The following TBC1D22A variants were observed in gnomAD, a reference collection of about 807,000 sequenced individuals.
TBC1D22A encodes putative GTPase activator.
TBC1D22A carries 38 observed loss-of-function variants against 60.2 expected under a neutral mutation model. The observed-to-expected ratio is 0.63, with a 90% CI of 0.49 to 0.83. The LOEUF (loss-of-function observed/expected upper bound fraction) is 0.83, where lower values mean the gene tolerates loss of function less well. Ranked by LOEUF, TBC1D22A falls within the 40% of genes least tolerant of loss-of-function variation. The probability of loss-of-function intolerance (pLI) is 0.00; values close to 1 mark genes in which losing one functional copy is unlikely to be tolerated. For missense variants in TBC1D22A, 628 were observed against 701.0 expected (o/e 0.90, Z 1.18); for synonymous variants, 302 against 281.7 (o/e 1.07, Z -0.72).
chr22:46,943,996 AG>A (rs1403482585), intron 8 of TBC1D22A, among the ~76,000 whole-genome samples: 1 of 152,218 alleles, frequency 6.6e-6, no homozygotes, highest in Non-Finnish European at 1.5e-5. Flanking sequence ...TATTATGAAC[AG>A]TGCTGCTGTA....
At chr22:47,095,059 C>T (rs1170519391) in intron 11 of TBC1D22A, among the ~76,000 whole-genome samples, 1 of 152,226 alleles carries the variant, frequency 6.6e-6, no homozygotes, top group East Asian at 1.9e-4. Context: ...ATGTGATGTA[C>T]AGCTCTTACT....
At chr22:47,023,395 G>A (rs1440130360) in intron 10 of TBC1D22A, among the ~76,000 whole-genome samples, 1 of 152,182 alleles carries the variant, frequency 6.6e-6, no homozygotes, top group South Asian at 2.1e-4. Context: ...CCTGTAATCT[G>A]TGGTCCCCTA....
chr22:47,100,948 G>A (rs938821783), intron 11 of TBC1D22A, among the ~76,000 whole-genome samples: 2 of 152,266 alleles, frequency 1.3e-5, no homozygotes, highest in South Asian at 2.1e-4. Context: ...TGAGCTTTGG[G>A]CTTCTGTGAG....
intron 8 of TBC1D22A, among the ~76,000 whole-genome samples, chr22:46,916,886 T>C (rs1222305679): frequency 6.6e-6 from 1 of 152,180 alleles, no homozygotes; most frequent in Non-Finnish European, 1.5e-5. Context: ...GAGAGATCGA[T>C]CATGGAGAAG....
chr22:47,068,162 T>A (rs1369407583), intron 11 of TBC1D22A, among the ~76,000 whole-genome samples: 1 of 152,242 alleles, frequency 6.6e-6, no homozygotes, highest in Non-Finnish European at 1.5e-5. Context: ...AGCAGAGACC[T>A]TGTGGGCAGA....
At chr22:47,073,838 A>G (rs1231708551) in intron 11 of TBC1D22A, among the ~76,000 whole-genome samples, 1 of 152,222 alleles carries the variant, frequency 6.6e-6, no homozygotes, top group African/African-American at 2.4e-5. Flanking sequence ...TTAAAAGACT[A>G]TGATTCAGGC....
At chr22:46,985,795 C>T (rs1029022998) in intron 9 of TBC1D22A, among the ~76,000 whole-genome samples, 1 of 152,180 alleles carries the variant, frequency 6.6e-6, no homozygotes, top group Non-Finnish European at 1.5e-5. Flanking sequence ...TCCAACACTG[C>T]GTTCCCCACA....
At chr22:46,998,967 C>G (rs1017859683) in intron 10 of TBC1D22A, among the ~76,000 whole-genome samples, 3 of 152,270 alleles carry the variant, frequency 2.0e-5, no homozygotes, top group African/African-American at 7.2e-5. Flanking sequence ...CCCAGCCTCA[C>G]TGAGTTCTCT....
chr22:47,071,070 G>A (rs1181831114), intron 11 of TBC1D22A, among the ~76,000 whole-genome samples: 1 of 152,206 alleles, frequency 6.6e-6, no homozygotes, highest in Non-Finnish European at 1.5e-5. Context: ...AAAGTGATAG[G>A]CCTGGCTGGA....
intron 12 of TBC1D22A, among the ~76,000 whole-genome samples, chr22:47,163,696 C>G (rs751501541): frequency 5.3e-5 from 8 of 152,176 alleles, no homozygotes; most frequent in Non-Finnish European, 1.0e-4. Flanking sequence ...GGCACTGCCT[C>G]TGAGGGGTGG....
At chr22:46,879,116 GT>G (rs131870) in intron 5 of TBC1D22A, among the ~76,000 whole-genome samples, 79,501 of 135,256 alleles carry the variant, frequency 0.59, 24,013 homozygotes, top group Middle Eastern at 0.78. Flanking sequence ...GTTTGACCAA[GT>G]TTTTTTTTTT....
At chr22:46,960,710 G>A (rs1251701439) in intron 8 of TBC1D22A, among the ~76,000 whole-genome samples, 1 of 152,140 alleles carries the variant, frequency 6.6e-6, no homozygotes, top group Non-Finnish European at 1.5e-5. Context: ...ATTTTTGGAG[G>A]CCGAGGCGGG....
intron 6 of TBC1D22A, among the ~76,000 whole-genome samples, chr22:46,894,103 G>A (rs1395696676): frequency 8.5e-5 from 13 of 152,298 alleles, no homozygotes; most frequent in Non-Finnish European, 1.8e-4. Context: ...CATTGGTGCC[G>A]TTGTCCTGGA....
chr22:47,047,253 T>G (rs1035761554), intron 11 of TBC1D22A, among the ~76,000 whole-genome samples: 1 of 152,220 alleles, frequency 6.6e-6, no homozygotes, highest in African/African-American at 2.4e-5. Context: ...TGGGAAGATT[T>G]CTGACAAGAT....
At chr22:47,019,983 T>G (rs2062032375) in intron 10 of TBC1D22A, among the ~76,000 whole-genome samples, 1 of 146,544 alleles carries the variant, frequency 6.8e-6, no homozygotes. Context: ...CCCTTAGCCC[T>G]CCATCCTCCC....
At chr22:47,090,331 C>CCCA (rs201368882) in intron 11 of TBC1D22A, among the ~76,000 whole-genome samples, 11,241 of 152,274 alleles carry the variant, frequency 0.074, 454 homozygotes, top group Admixed American at 0.14. Context: ...GCCCAGGGAG[C>CCCA]GCTCAGACAG....
intron 12 of TBC1D22A, among the ~76,000 whole-genome samples, chr22:47,128,604 C>T (rs1332528840): frequency 6.6e-6 from 1 of 151,880 alleles, no homozygotes; most frequent in East Asian, 2.0e-4. Context: ...TGCAGAAAAT[C>T]GATTTTCGTT....
intron 8 of TBC1D22A, among the ~76,000 whole-genome samples, chr22:46,948,473 C>T (rs978990221): frequency 2.0e-5 from 3 of 152,228 alleles, no homozygotes; most frequent in Admixed American, 2.0e-4. Flanking sequence ...GGTAGAGTCT[C>T]CTCCACCAAA....
At chr22:47,133,266 AAGC>A (rs1408872590) in intron 12 of TBC1D22A, among the ~76,000 whole-genome samples, 65 of 152,374 alleles carry the variant, frequency 4.3e-4, no homozygotes, top group African/African-American at 1.5e-3. Flanking sequence ...GATAATTCCA[AAGC>A]AAAACTATAC....
Sources: allele counts gnomAD v4.1 joint callset (sites outside exome capture counted in the v4.1 genomes callset), GRCh38; gene constraint gnomAD v4.1.1; transcripts MANE v1.5; gene names NCBI Gene and HGNC (gene_info 2026-07-23, HGNC 2026-07-21).